Variants in PHF8 observed in about 807,000 individuals in gnomAD.
PHF8 encodes the protein PHD finger protein 8.
Under a neutral mutation model 74.4 loss-of-function variants are expected in PHF8, and 9 were observed. That is an observed-to-expected ratio of 0.12 (90% CI 0.07 to 0.21). PHF8 has a LOEUF of 0.21. Ranked by LOEUF, PHF8 falls within the 10% of genes least tolerant of loss-of-function variation. The pLI is 1.00. For synonymous variants in PHF8, 311 were observed against 316.6 expected (o/e 0.98, Z 0.19); for missense variants, 478 against 816.6 (o/e 0.59, Z 5.05).
In PHF8 at chrX:54,011,886, G is replaced by C. The variant is rs781980320; in HGVS notation, c.784-602C>G. ...GCAAAAAAAAAAAAAAAAAAAGAAA[G>C]AAACAAAAACCCAGTAGCACAAATA... On this transcript the variant is annotated intron_variant, in intron 7 of 21. Coordinates refer to ENST00000338154, the MANE Select transcript of PHF8 (RefSeq NM_015107.3). Among the ~76,000 whole-genome samples the C allele has an allele frequency of 3.2e-4, 29 of 89,335 alleles. 1 individual carries two copies. In the Admixed American group the frequency reaches 3.5e-3, roughly 11 times the overall value. 77.6% of individuals were successfully genotyped at this position (89,335 alleles called of 115,157 possible).
chrX:53,996,268 T>TA (rs1557102864), intron 11 of PHF8, among the ~76,000 whole-genome samples: 2 of 109,254 alleles, frequency 1.8e-5, no homozygotes, highest in African/African-American at 6.7e-5. Context: ...AGTGAGCCAC[T>TA]ACGCCCAGCT....
intron 5 of PHF8, 59 bp downstream of exon 5, chrX:54,017,602 G>C (rs1379557026): frequency 2.0e-6 from 2 of 1,018,871 alleles, no homozygotes; most frequent in Admixed American, 2.2e-5. Context: ...GAGGGGAAGG[G>C]ACACAGATCT....
chrX:54,020,469 A>G (rs1557109524), intron 4 of PHF8, among the ~76,000 whole-genome samples: 1 of 111,776 alleles, frequency 8.9e-6, no homozygotes, highest in Non-Finnish European at 1.9e-5. Flanking sequence ...GAAAAAGAAC[A>G]TCTGTATGTG....
At chrX:53,994,596 T>C (rs911081943) in intron 12 of PHF8, among the ~76,000 whole-genome samples, 36 of 112,847 alleles carry the variant, frequency 3.2e-4, no homozygotes, top group Non-Finnish European at 1.1e-4. Context: ...CTAAGTCCTC[T>C]TCCAACCAGC....
intron 5 of PHF8, 54 bp downstream of exon 5, chrX:54,017,607 A>T: frequency 9.6e-7 from 1 of 1,045,285 alleles, no homozygotes; most frequent in Non-Finnish European, 1.3e-6. Flanking sequence ...GAAGGGACAC[A>T]GATCTTGACA....
At chrX:53,957,301 C>T (rs1379166651) in intron 19 of PHF8, among the ~76,000 whole-genome samples, 2 of 109,343 alleles carry the variant, frequency 1.8e-5, no homozygotes, top group Non-Finnish European at 3.8e-5. Context: ...TGCAGTGGGC[C>T]GGGATCTCGC....
At chrX:54,020,797 C>G (rs1404383171) in intron 4 of PHF8, among the ~76,000 whole-genome samples, 1 of 111,439 alleles carries the variant, frequency 9.0e-6, no homozygotes, top group Non-Finnish European at 1.9e-5. Context: ...AATAACAGAT[C>G]CTGATAAGCC....
chrX:53,973,019 C>T (rs782706393), intron 18 of PHF8, among the ~76,000 whole-genome samples: 26 of 111,189 alleles, frequency 2.3e-4, no homozygotes, highest in Non-Finnish European at 4.5e-4. Context: ...AAGCAGAGAG[C>T]CATATCATGA....
intron 14 of PHF8, among the ~76,000 whole-genome samples, chrX:53,988,984 T>TG (rs2065615123): frequency 9.5e-6 from 1 of 104,978 alleles, no homozygotes; most frequent in African/African-American, 3.5e-5. Flanking sequence ...CTTTTTGAGA[T>TG]GGAGTCTTGC....
chrX:53,977,945 C>CTTT (rs1319452833), intron 18 of PHF8, among the ~76,000 whole-genome samples: 1 of 89,911 alleles, frequency 1.1e-5, no homozygotes. Context: ...TGCGCCCGGC[C>CTTT]TTTTTTTTTT....
intron 2 of PHF8, among the ~76,000 whole-genome samples, chrX:54,027,824 T>C (rs1365111767): frequency 4.5e-5 from 5 of 110,780 alleles, no homozygotes; most frequent in African/African-American, 1.3e-4. Context: ...CCTGCCCTCA[T>C]AGAGCTGATG....
intron 18 of PHF8, among the ~76,000 whole-genome samples, chrX:53,978,821 T>G (rs1403982506): frequency 9.5e-6 from 1 of 105,703 alleles, no homozygotes; most frequent in Admixed American, 1.0e-4. Flanking sequence ...AAAAAGGCAT[T>G]ATGGTAAGCA....
Position 53,962,867 on chromosome X carries a change from T to C in PHF8, c.2516A>G (p.Asp839Gly). 8.5e-7 allele frequency: 1 copy of C among 1,180,471 alleles called. No individual in the cohort carries two copies. The highest frequency in any genetic ancestry group is 1.8e-5 in the African/African-American group (1 of 57,084). ...KSRPKKKKNS[D>G]DAPWSPKARV... ...ACCTTTAGGACTCCATGGAGCATCA[T>C]CTGAATTCTTCTTTTTCTTGGGTCG... The change falls in exon 19 of 22, where the codon GAT becomes GGT. Residue 839 changes from aspartate to glycine, a missense_variant. Around this residue, in one of 9 missense-constraint regions of PHF8, gnomAD observed 35 missense variants for 78.8 expected, o/e 0.44. Transcript: ENST00000338154.
intron 18 of PHF8, among the ~76,000 whole-genome samples, chrX:53,969,597 T>G (rs1388335085): frequency 8.9e-6 from 1 of 112,196 alleles, no homozygotes; most frequent in Non-Finnish European, 1.9e-5. Flanking sequence ...ACCAATGACA[T>G]TCTTCACAGA....
chrX:53,985,732 C>A (rs782296920), intron 17 of PHF8, 84 bp downstream of exon 17: 1 of 1,196,162 alleles, frequency 8.4e-7, no homozygotes, highest in Non-Finnish European at 1.1e-6. Flanking sequence ...TAAATATCTA[C>A]TGATTGGCTG....
rs994033157 is a variant in PHF8 at position 53,985,130 on chromosome X, G to A, written c.2227C>T (p.Leu743=). Residue 743 remains leucine (L), a synonymous_variant, in exon 18 of 22, where the codon CTG becomes TTG. Transcript: ENST00000338154. ...TGTCCCCCAGTCCACCAGGCCTGCA[G>A]GCTAGAGGTAGCCGGTGAGGACGAT... ...SSSSSPATSS[L]QAWWTGGQDR... The A allele has an allele frequency of 1.2e-5, 15 of 1,207,395 alleles. No individual in the cohort carries two copies. The highest frequency in any genetic ancestry group is 1.5e-5 in the Non-Finnish European group (13 of 893,432).
intron 18 of PHF8, among the ~76,000 whole-genome samples, chrX:53,966,085 T>C (rs1234185989): frequency 2.7e-5 from 3 of 111,993 alleles, no homozygotes; most frequent in Non-Finnish European, 5.6e-5. Flanking sequence ...AATAGAAAGA[T>C]AACTGGAATA....
intron 2 of PHF8, among the ~76,000 whole-genome samples, chrX:54,036,430 T>A (rs1277718979): frequency 9.2e-6 from 1 of 108,212 alleles, no homozygotes. Flanking sequence ...ACTTCATGGG[T>A]CAAACAGGAA....
chrX:53,947,274 A>T (rs1339782719), intron 19 of PHF8, among the ~76,000 whole-genome samples: 1 of 111,818 alleles, frequency 8.9e-6, no homozygotes, highest in Non-Finnish European at 1.9e-5. Context: ...GGCCTCCAAA[A>T]CCATAGGCAT....
Sources: allele counts gnomAD v4.1 joint callset (sites outside exome capture counted in the v4.1 genomes callset), GRCh38; gene constraint gnomAD v4.1.1; regional missense constraint gnomAD v4.1.1; transcripts MANE v1.5; gene names NCBI Gene and HGNC (gene_info 2026-07-23, HGNC 2026-07-21).